SYNE1: variants seen among roughly 807,000 people sequenced by gnomAD.
SYNE1 encodes spectrin repeat containing nuclear envelope protein 1, also known as nesprin-1.
SYNE1 carries 616 observed loss-of-function variants against 1,111.0 expected under a neutral mutation model. The observed-to-expected ratio is 0.55, with a 90% CI of 0.52 to 0.59. The LOEUF is 0.59. SYNE1 is among the 20% of genes least tolerant of loss of function. SYNE1 has a pLI of 0.00. For missense variants in SYNE1, 10,006 were observed against 10,417.0 expected, an observed-to-expected ratio of 0.96 and a Z score of 1.72; for synonymous variants, 3,855 against 3,825.8, an observed-to-expected ratio of 1.01 and a Z score of -0.28.
In SYNE1 at chr6:152,325,997, C is replaced by T. The variant is rs761249756; in HGVS notation, c.15399G>A (p.Ser5133=). ...KLSEFSLLKT[S]SSHEAEEKLS... The stretch of plus-strand genomic sequence containing the variant: ...ATTTTTCTTCCGCTTCATGACTAGA[C>T]GAAGTCTTCAACAAAGAAAACTCAG... The change falls in exon 80 of 146, where the codon TCG becomes TCA. Residue 5133 remains serine, a synonymous_variant. Coordinates refer to ENST00000367255, the MANE Select transcript of SYNE1 (RefSeq NM_182961.4). 38 of 1,614,020 alleles carry T rather than the reference C, an allele frequency of 2.4e-5. No homozygotes were observed. The East Asian group carries it at 4.0e-4, about 17-fold the overall frequency.
intron 107 of SYNE1, among the ~76,000 whole-genome samples, chr6:152,241,172 A>G (rs1482351497): frequency 3.3e-5 from 5 of 152,336 alleles, no homozygotes; most frequent in African/African-American, 9.6e-5. Flanking sequence ...AATAACTCAG[A>G]ATGATCTTTT....
intron 4 of SYNE1, among the ~76,000 whole-genome samples, chr6:152,534,988 T>C (rs1415634478): frequency 1.3e-5 from 2 of 152,266 alleles, no homozygotes; most frequent in Non-Finnish European, 2.9e-5. Context: ...GGTTGAATTG[T>C]GCCTACTCAC....
At chr6:152,401,618 A>G (rs925783560) in intron 46 of SYNE1, among the ~76,000 whole-genome samples, 2 of 152,354 alleles carry the variant, frequency 1.3e-5, no homozygotes, top group African/African-American at 4.8e-5. Context: ...GTGAGAGGGC[A>G]TTCTGAAAGT....
At chr6:152,456,575 C>T (rs1360209026) in intron 22 of SYNE1, 2 of 297,194 alleles carry the variant, frequency 6.7e-6, no homozygotes, top group African/African-American at 4.4e-5. Context: ...TGGTAGGGTT[C>T]AGATCCTAAT....
rs768812258 is a variant in SYNE1, at chr6:152,293,577, G to C, written c.18012+11C>G. ...AATCAAGTAGGAAACTGAAGTCATG[G>C]CTATTTGTACCTGATGTTCAGCCAT... On this transcript the variant is annotated intron_variant, in intron 95 of 145. Coordinates refer to ENST00000367255, the MANE Select transcript of SYNE1 (RefSeq NM_182961.4). The C allele has an allele frequency of 1.2e-6, 2 of 1,613,864 alleles. No individual in the cohort carries two copies. Among genetic ancestry groups the C allele is most frequent in the East Asian group, 4.5e-5 (2 of 44,882 alleles).
chr6:152,438,195 C>G (rs544827184), intron 32 of SYNE1, among the ~76,000 whole-genome samples: 14 of 152,266 alleles, frequency 9.2e-5, no homozygotes, highest in East Asian at 3.9e-4. Flanking sequence ...CTATATCTGA[C>G]AGTCATGGTA....
chr6:152,505,540 G>A, intron 8 of SYNE1, 143 bp from the exon 9 acceptor site: 1 of 889,728 alleles, frequency 1.1e-6, no homozygotes, highest in Non-Finnish European at 1.7e-6. Flanking sequence ...AAAAATTAAG[G>A]GAAACAAAAT....
chr6:152,367,041 A>G (rs2097093960), intron 62 of SYNE1, 177 bp downstream of exon 62: 2 of 775,704 alleles, frequency 2.6e-6, no homozygotes, highest in African/African-American at 3.4e-5. Context: ...ATCCGGGGTC[A>G]GATGATTCAG....
At chr6:152,432,072 A>G (rs984432318) in intron 34 of SYNE1, among the ~76,000 whole-genome samples, 1 of 152,178 alleles carries the variant, frequency 6.6e-6, no homozygotes, top group African/African-American at 2.4e-5. Flanking sequence ...TCACTCAATC[A>G]TATTGTTGGA....
chr6:152,399,052 T>A (rs907336104), intron 48 of SYNE1, among the ~76,000 whole-genome samples: 2 of 152,134 alleles, frequency 1.3e-5, no homozygotes, highest in African/African-American at 4.8e-5. Flanking sequence ...ATGTAAAAAG[T>A]GCAAGGAGAG....
At chr6:152,257,458 G>A (rs556812559) in intron 101 of SYNE1, among the ~76,000 whole-genome samples, 1 of 152,282 alleles carries the variant, frequency 6.6e-6, no homozygotes, top group African/African-American at 2.4e-5. Context: ...GCTTGAACCA[G>A]AGGCAGAAAT....
At chr6:152,526,810 A>C (rs548947966) in intron 4 of SYNE1, among the ~76,000 whole-genome samples, 1 of 152,210 alleles carries the variant, frequency 6.6e-6, no homozygotes. Flanking sequence ...TCATAAGCAC[A>C]AAAGTACAGA....
At chr6:152,466,565 T>C (rs1593279035) in intron 16 of SYNE1, among the ~76,000 whole-genome samples, 1 of 152,242 alleles carries the variant, frequency 6.6e-6, no homozygotes, top group Admixed American at 6.5e-5. Context: ...TTGGAAATAA[T>C]TACATATTCT....
At chr6:152,140,863 C>G (rs1185358483) in intron 139 of SYNE1, among the ~76,000 whole-genome samples, 1 of 151,762 alleles carries the variant, frequency 6.6e-6, no homozygotes, top group African/African-American at 2.4e-5. Flanking sequence ...GAAACCCCAC[C>G]TCTACTAAAA....
In SYNE1 at chr6:152,151,952, CA is replaced by C; in HGVS notation, c.24312+6del. On this transcript the variant is annotated splice_donor_region_variant and intron_variant, in intron 134 of 145. Coordinates refer to ENST00000367255, the MANE Select transcript of SYNE1 (RefSeq NM_182961.4). ...CCTCTAAATTACAGATGAGGCATAG[CA>C]AAAACCTTGAGTCTGCGCAAGATGG... is the stretch of plus-strand genomic sequence containing the variant. 3 of 1,614,048 alleles carry C rather than the reference CA, an allele frequency of 1.9e-6. No homozygotes were observed. The highest frequency in any genetic ancestry group is 2.2e-5 in the South Asian group (2 of 91,024).
In SYNE1 at chr6:152,246,445, A is replaced by C. The variant is rs527333915; in HGVS notation, c.19573-1789T>G. Among the ~76,000 whole-genome samples, 7 of 152,278 alleles carry C rather than the reference A, an allele frequency of 4.6e-5. No homozygotes were observed. The South Asian group carries it at 8.3e-4, about 18-fold the overall frequency. Reference sequence around the variant, plus strand: ...AAGGATCATTCGGAGAACCAAAGTGAGCTCCGGGAAAATTAAATACGTGAG... The same window carrying C: ...AAGGATCATTCGGAGAACCAAAGTGCGCTCCGGGAAAATTAAATACGTGAG... On this transcript the variant is annotated intron_variant, in intron 105 of 145. Transcript: ENST00000367255.
At position 152,255,626 on chromosome 6, in the gene SYNE1, G is replaced by A; in HGVS notation, c.19225C>T (p.Pro6409Ser). 1 of 1,614,188 alleles carries A rather than the reference G, an allele frequency of 6.2e-7. No homozygotes were observed. The highest frequency in any genetic ancestry group is 8.5e-7 in the Non-Finnish European group (1 of 1,180,044). Residue 6409 changes from proline to serine, a missense_variant, in exon 103 of 146, where the codon CCA (proline) becomes TCA (serine). Pro to Ser is a moderately conservative substitution (Grantham distance 74). Transcript: ENST00000367255. The part of the protein sequence containing the change: ...ERLFVATALL[P>S]EETETCLFNQ... The stretch of plus-strand genomic sequence containing the variant: ...AAGAGACAAGTCTCTGTTTCTTCTG[G>A]TAAAAGTGCTGTGGCAACAAATAAA...
At chr6:152,253,817 G>GTTTTTTTTTTT (rs1491115589) in intron 104 of SYNE1, among the ~76,000 whole-genome samples, 1,228 of 59,146 alleles carry the variant, frequency 0.021, 527 homozygotes, top group East Asian at 0.044. Context: ...GTAGTGGTTT[G>GTTTTTTTTTTT]GTTTTTTTTT....
intron 6 of SYNE1, among the ~76,000 whole-genome samples, chr6:152,513,645 G>C (rs2099097124): frequency 6.6e-6 from 1 of 152,050 alleles, no homozygotes; most frequent in Non-Finnish European, 1.5e-5. Context: ...AGTGAGATTA[G>C]TGTTCTTAAA....
Sources: allele counts gnomAD v4.1 joint callset (sites outside exome capture counted in the v4.1 genomes callset), GRCh38; gene constraint gnomAD v4.1.1; transcripts MANE v1.5; gene names NCBI Gene and HGNC (gene_info 2026-07-23, HGNC 2026-07-21).